Variants in ALMS1 observed in about 807,000 individuals in gnomAD.
ALMS1 encodes centrosome-associated protein ALMS1.
ALMS1 carries 271 observed loss-of-function variants against 352.2 expected under a neutral mutation model. That is an observed-to-expected ratio of 0.77 (90% CI 0.70 to 0.85). The LOEUF (loss-of-function observed/expected upper bound fraction) is 0.85, where lower values mean the gene tolerates loss of function less well. ALMS1 is among the 40% of genes least tolerant of loss of function. ALMS1 has a pLI of 0.00. For synonymous variants in ALMS1, 1,865 were observed against 1,761.2 expected, an observed-to-expected ratio of 1.06 and a Z score of -1.48; for missense variants, 5,445 against 4,870.7, an observed-to-expected ratio of 1.12 and a Z score of -3.51.
chr2:73,524,407 A>G (rs114580608), intron 11 of ALMS1, among the ~76,000 whole-genome samples: 6 of 152,312 alleles, frequency 3.9e-5, no homozygotes, highest in Non-Finnish European at 8.8e-5. Context: ...GCATTTATCC[A>G]TTCTTTGTGT....
At chr2:73,588,145 A>G (rs564694001) in intron 16 of ALMS1, among the ~76,000 whole-genome samples, 32 of 152,180 alleles carry the variant, frequency 2.1e-4, no homozygotes, top group Non-Finnish European at 4.3e-4. Flanking sequence ...ATAAAGAGGG[A>G]ATCCTCCTTA....
At chr2:73,415,360 A>G (rs956151052) in intron 2 of ALMS1, among the ~76,000 whole-genome samples, 2 of 152,218 alleles carry the variant, frequency 1.3e-5, no homozygotes, top group African/African-American at 4.8e-5. Context: ...TGATTCAGTA[A>G]TGAGAGAAAA....
At position 73,452,789 on chromosome 2, in the gene ALMS1, C is replaced by G. The variant is rs1201362102; in HGVS notation, c.6262C>G (p.Pro2088Ala). 6.2e-7 allele frequency: 1 copy of G among 1,613,536 alleles called. No homozygotes were observed. Among genetic ancestry groups the G allele is most frequent in the Non-Finnish European group, 8.5e-7 (1 of 1,179,930 alleles). The change falls in exon 8 of 23, where the codon CCA becomes GCA. Residue 2088 changes from proline (P) to alanine (A), a missense_variant. Transcript: ENST00000613296. ...ACTAACTGATGTGAATACTGGAAAACCAGTATCTCTCTCTAGTTCTTATTT... is the reference window on the plus strand; with the variant it reads ...ACTAACTGATGTGAATACTGGAAAAGCAGTATCTCTCTCTAGTTCTTATTT... ...PELTDVNTGKPVSLSSSYFHR... is the reference protein window; with the variant it reads ...PELTDVNTGKAVSLSSSYFHR...
chr2:73,472,411 T>A (rs1672486133), intron 9 of ALMS1, among the ~76,000 whole-genome samples: 1 of 152,044 alleles, frequency 6.6e-6, no homozygotes, highest in Non-Finnish European at 1.5e-5. Flanking sequence ...ACCTCAAATA[T>A]GATAAAGAAT....
In ALMS1 at chr2:73,572,553, T is replaced by C. The variant is rs759243821; in HGVS notation, c.10676T>C (p.Val3559Ala). Reference protein sequence around the residue: ...SINVNLGNKEVMDTTKSQVRD... With the variant: ...SINVNLGNKEAMDTTKSQVRD... ...AATGTGAATTTGGGAAACAAAGAAGTGATGGATACTACTAAAAGTCAAGTT... is the reference window on the plus strand; with the variant it reads ...AATGTGAATTTGGGAAACAAAGAAGCGATGGATACTACTAAAAGTCAAGTT... The change falls in exon 16 of 23, where the codon GTG becomes GCG. Residue 3559 changes from valine to alanine, a missense_variant. Physicochemically the swap from Val to Ala is moderately conservative, Grantham distance 64 (BLOSUM62 0). Transcript: ENST00000613296. The C allele has an allele frequency of 2.5e-6, 4 of 1,613,702 alleles. No individual in the cohort carries two copies. In the East Asian group the frequency reaches 6.7e-5, roughly 27 times the overall value.
At chr2:73,518,025 T>G (rs1241471525) in intron 10 of ALMS1, among the ~76,000 whole-genome samples, 1 of 152,068 alleles carries the variant, frequency 6.6e-6, no homozygotes. Flanking sequence ...GGTAAACTTG[T>G]GTCATGGGGG....
At chr2:73,530,769 G>T (rs1673892653) in intron 11 of ALMS1, among the ~76,000 whole-genome samples, 1 of 152,214 alleles carries the variant, frequency 6.6e-6, no homozygotes, top group African/African-American at 2.4e-5. Flanking sequence ...TGAAATCTAG[G>T]TGGAGGCTCC....
At chr2:73,478,951 G>A (rs1356997155) in intron 9 of ALMS1, among the ~76,000 whole-genome samples, 1 of 152,026 alleles carries the variant, frequency 6.6e-6, no homozygotes, top group East Asian at 1.9e-4. Context: ...TTGGTTTTCT[G>A]TTCCTGTGTT....
At chr2:73,395,079 T>TATATATATA (rs1491525344) in intron 1 of ALMS1, among the ~76,000 whole-genome samples, 1 of 84,330 alleles carries the variant, frequency 1.2e-5, no homozygotes, top group Non-Finnish European at 2.1e-5. Context: ...TATATATATA[T>TATATATATA]TTTTTTTTTT....
chr2:73,527,475 G>A (rs373875310), intron 11 of ALMS1, among the ~76,000 whole-genome samples: 18 of 151,864 alleles, frequency 1.2e-4, no homozygotes, highest in African/African-American at 4.3e-4. Context: ...TTCAATTTTG[G>A]ATTTCTTCCT....
At position 73,550,261 on chromosome 2, in the gene ALMS1, C is replaced by G. The variant is rs1553416191; in HGVS notation, c.9908-6C>G. On this transcript the variant is annotated splice_region_variant and splice_polypyrimidine_tract_variant and intron_variant, in intron 12 of 22. Transcript: ENST00000613296. ...TGTTTTGTATTACTTCCCCGTTTTT[C>G]TGTAGGATCCAATGATGCCATTGCT... 2 of 1,613,638 alleles carry G rather than the reference C, an allele frequency of 1.2e-6. No individual in the cohort carries two copies. The highest frequency in any genetic ancestry group is 1.3e-5 in the African/African-American group (1 of 75,002).
chr2:73,468,698 G>A (rs1463614478), intron 9 of ALMS1, among the ~76,000 whole-genome samples: 1 of 151,900 alleles, frequency 6.6e-6, no homozygotes, highest in African/African-American at 2.4e-5. Context: ...CATCCATGTT[G>A]TAGCATATGT....
intron 7 of ALMS1, among the ~76,000 whole-genome samples, chr2:73,446,436 C>G (rs1026856245): frequency 2.6e-5 from 4 of 152,110 alleles, no homozygotes; most frequent in Non-Finnish European, 5.9e-5. Context: ...TTCTTATTTT[C>G]TTTAGACCCA....
At chr2:73,526,599 CAT>C (rs1673796563) in intron 11 of ALMS1, among the ~76,000 whole-genome samples, 5 of 152,076 alleles carry the variant, frequency 3.3e-5, no homozygotes, top group Admixed American at 2.6e-4. Context: ...TCACTGTTGA[CAT>C]ATAGAAATGT....
chr2:73,556,416 A>G (rs1225809939), intron 13 of ALMS1, among the ~76,000 whole-genome samples: 1 of 152,198 alleles, frequency 6.6e-6, no homozygotes, highest in African/African-American at 2.4e-5. Context: ...GAAAAGAGAA[A>G]TAGTATTAGA....
chr2:73,401,352 A>G (rs1225627067), intron 1 of ALMS1, among the ~76,000 whole-genome samples: 1 of 152,078 alleles, frequency 6.6e-6, no homozygotes, highest in Non-Finnish European at 1.5e-5. Flanking sequence ...TTCCTAATAT[A>G]TACATTCGGT....
intron 9 of ALMS1, among the ~76,000 whole-genome samples, chr2:73,485,384 C>T (rs1340295748): frequency 1.6e-4 from 24 of 152,200 alleles, no homozygotes; most frequent in Admixed American, 1.6e-3. Flanking sequence ...TGTTAGGCTG[C>T]TCAGGGGTCA....
chr2:73,388,618 C>T (rs952976053), intron 1 of ALMS1, among the ~76,000 whole-genome samples: 4 of 152,194 alleles, frequency 2.6e-5, no homozygotes, highest in African/African-American at 7.2e-5. Flanking sequence ...AGCCTCCAGG[C>T]TCCATCCATG....
In ALMS1 at chr2:73,452,829, C is replaced by G. The variant is rs28730854; in HGVS notation, c.6302C>G (p.Ser2101Trp). ...AGTTCTTATTTTCACAGAGAGAAAT[C>G]GAATATTTTCAGTCCACAGGAATTG... Reference protein sequence around the residue: ...LSSSYFHREKSNIFSPQELPG... With the variant: ...LSSSYFHREKWNIFSPQELPG... The change falls in exon 8 of 23, where the codon TCG becomes TGG. Residue 2101 changes from serine (S) to tryptophan (W), a missense_variant. Coordinates refer to ENST00000613296, the MANE Select transcript of ALMS1 (RefSeq NM_001378454.1). The G allele has an allele frequency of 1.7e-4, 280 of 1,613,556 alleles. 1 individual carries two copies. Among genetic ancestry groups the G allele is most frequent in the Non-Finnish European group, 1.1e-4 (129 of 1,179,942 alleles).
Sources: gnomAD v4.1 joint callset for allele counts (sites outside exome capture counted in the v4.1 genomes callset) on GRCh38, gnomAD v4.1.1 for gene constraint, MANE v1.5 for transcripts, NCBI Gene and HGNC (gene_info 2026-07-23, HGNC 2026-07-21) for gene names.